The following MYO5B variants were observed in gnomAD, a reference collection of about 807,000 sequenced individuals.
MYO5B encodes myosin VB.
In MYO5B, 143 loss-of-function variants were observed where a neutral mutation model predicts 229.3. The ratio of observed to expected loss-of-function variants is 0.62; its 90% CI spans 0.54 to 0.72. The LOEUF (loss-of-function observed/expected upper bound fraction) is 0.72. Ranked by LOEUF, MYO5B falls within the 30% of genes least tolerant of loss-of-function variation. The probability of loss-of-function intolerance (pLI) is 0.00; values close to 1 mark genes in which losing one functional copy is unlikely to be tolerated. For synonymous variants in MYO5B, 918 were observed against 885.2 expected (o/e 1.04, Z -0.66); for missense variants, 2,321 against 2,331.0 (o/e 1.00, Z 0.09).
chr18:49,937,798 G>A (rs1249060824), intron 14 of MYO5B, among the ~76,000 whole-genome samples: 1 of 151,994 alleles, frequency 6.6e-6, no homozygotes, highest in African/African-American at 2.4e-5. Context: ...GTAGGTTATT[G>A]GTTGCTAGGG....
chr18:50,021,780 T>C (rs917442283), intron 4 of MYO5B, among the ~76,000 whole-genome samples: 18 of 149,194 alleles, frequency 1.2e-4, no homozygotes, highest in African/African-American at 4.2e-4. Flanking sequence ...GAAGCACCAC[T>C]CCCAGCTGAG....
At chr18:49,974,812 C>CACACACACAG (rs1568054856) in intron 9 of MYO5B, among the ~76,000 whole-genome samples, 197 bp from the exon 10 acceptor site, 1 of 150,370 alleles carries the variant, frequency 6.7e-6, no homozygotes, top group Non-Finnish European at 1.5e-5. Context: ...CACACACACA[C>CACACACACAG]ACACACACAC....
intron 10 of MYO5B, among the ~76,000 whole-genome samples, chr18:49,970,217 G>A (rs1220137905): frequency 6.6e-6 from 1 of 152,176 alleles, no homozygotes; most frequent in Admixed American, 6.5e-5. Flanking sequence ...ACCCTGCCTG[G>A]TCAAAAATAC....
chr18:50,027,125 G>C (rs4281815), intron 4 of MYO5B, among the ~76,000 whole-genome samples: 2 of 152,174 alleles, frequency 1.3e-5, no homozygotes, highest in East Asian at 1.9e-4. Context: ...ATTACTACGA[G>C]GTAAATAGCA....
Position 49,895,187 on chromosome 18 carries a change from T to A in MYO5B, c.2812-13A>T. ...TGAACTCTTTGTTCTGTGGAGAACA[T>A]CAGCAAACAAGGAGAAGGGAGAAGA... On this transcript the variant is annotated splice_polypyrimidine_tract_variant and intron_variant, in intron 21 of 39. Transcript: ENST00000285039. The A allele has an allele frequency of 1.3e-6, 2 of 1,599,850 alleles. No homozygotes were observed. The highest frequency in any genetic ancestry group is 1.7e-6 in the Non-Finnish European group (2 of 1,167,390).
chr18:50,194,120 G>A (rs544813109), intron 1 of MYO5B, among the ~76,000 whole-genome samples: 1 of 152,334 alleles, frequency 6.6e-6, no homozygotes, highest in African/African-American at 2.4e-5. Flanking sequence ...AATTCACAAT[G>A]CTCTTCCCTG....
intron 17 of MYO5B, among the ~76,000 whole-genome samples, chr18:49,915,671 T>C (rs1228626257): frequency 2.0e-5 from 3 of 152,252 alleles, no homozygotes; most frequent in African/African-American, 7.2e-5. Flanking sequence ...TTTAAGGTTA[T>C]TTGCCTAGCT....
chr18:50,141,029 A>C (rs1170400291), intron 1 of MYO5B, among the ~76,000 whole-genome samples: 2 of 152,194 alleles, frequency 1.3e-5, no homozygotes, highest in Non-Finnish European at 2.9e-5. Context: ...CTGGGGCTTC[A>C]TTATGCAGGT....
Position 49,825,175 on chromosome 18 carries a change from G to GT in MYO5B, c.*1295dup, listed in dbSNP as rs1354303883. 1 of 152,016 alleles carries GT rather than the reference G, an allele frequency of 6.6e-6. No homozygotes were observed. The highest frequency in any genetic ancestry group is 2.4e-5 in the African/African-American group (1 of 41,384). The allele number at this position is 152,016 out of a possible 1,614,324, so 9.4% of individuals were successfully genotyped here. On this transcript the variant is annotated 3_prime_UTR_variant, in exon 40 of 40. Transcript: ENST00000285039. The stretch of plus-strand genomic sequence containing the variant: ...GCTATCAAGAAATACAGAAAAGACA[G>GT]TAAAAAAAAGTGTGGAAAGAATATG...
At chr18:49,980,392 A>G in intron 9 of MYO5B, 52 bp downstream of exon 9, 2 of 1,287,454 alleles carry the variant, frequency 1.6e-6, no homozygotes, top group Non-Finnish European at 2.3e-6. Flanking sequence ...GTCATATCAA[A>G]GAACAGGGTA....
chr18:49,901,730 C>G (rs2024843833), intron 21 of MYO5B, among the ~76,000 whole-genome samples: 1 of 152,208 alleles, frequency 6.6e-6, no homozygotes, highest in African/African-American at 2.4e-5. Context: ...GATAGGCAGA[C>G]AGAGAGACAG....
chr18:49,974,684 C>T lies in MYO5B; in HGVS notation c.1057-69G>A. On this transcript the variant is annotated intron_variant, in intron 9 of 39. Transcript: ENST00000285039. The stretch of plus-strand genomic sequence containing the variant: ...CAAGCCGCCCCCCACCAATGTCTTC[C>T]ACCCTCCTGCCCAGAGGGAAAACAA... 3 of 1,558,684 alleles carry T rather than the reference C, an allele frequency of 1.9e-6. No individual in the cohort carries two copies. In the South Asian group the frequency reaches 3.5e-5, roughly 18 times the overall value.
intron 7 of MYO5B, among the ~76,000 whole-genome samples, chr18:49,987,803 TG>T (rs2025886731): frequency 1.3e-5 from 2 of 152,122 alleles, no homozygotes; most frequent in African/African-American, 4.8e-5. Flanking sequence ...CCATTACAAC[TG>T]GATGTACCAC....
chr18:49,942,008 G>A lies in MYO5B; in HGVS notation c.1753-4611C>T, dbSNP rs372743670. Among the ~76,000 whole-genome samples the A allele has an allele frequency of 3.3e-3, 215 of 64,654 alleles. 9 individuals are homozygous for A. The highest frequency in any genetic ancestry group is 0.024 in the Middle Eastern group (2 of 82). 42.4% of individuals were successfully genotyped at this position (64,654 alleles called of 152,430 possible). A position where few individuals can be genotyped will look rare whatever the true frequency, so the allele number is the denominator to read the frequency against. On this transcript the variant is annotated intron_variant, in intron 14 of 39. Transcript: ENST00000285039. ...TAGATCAATGGGATCTATGTCTGAG[G>A]ACAGAGCCCTCAGAAATAATGCTGC...
intron 1 of MYO5B, among the ~76,000 whole-genome samples, chr18:50,103,603 G>C (rs2031696403): frequency 6.6e-6 from 1 of 152,122 alleles, no homozygotes; most frequent in African/African-American, 2.4e-5. Flanking sequence ...TTAAAAATCA[G>C]CCAGACACGG....
chr18:50,087,329 TG>T (rs930922202), intron 1 of MYO5B, among the ~76,000 whole-genome samples: 1 of 152,096 alleles, frequency 6.6e-6, no homozygotes, highest in Non-Finnish European at 1.5e-5. Flanking sequence ...CCCAGCATTT[TG>T]GGAGGCCGAG....
intron 17 of MYO5B, among the ~76,000 whole-genome samples, chr18:49,925,127 A>ACC (rs2144186671): frequency 6.6e-6 from 1 of 152,308 alleles, no homozygotes; most frequent in African/African-American, 2.4e-5. Context: ...TACTAATAGA[A>ACC]CAGACTCTAT....
intron 1 of MYO5B, among the ~76,000 whole-genome samples, chr18:50,166,076 G>GA (rs1348619020): frequency 6.6e-6 from 1 of 152,144 alleles, no homozygotes; most frequent in Non-Finnish European, 1.5e-5. Flanking sequence ...TCAGCAACCA[G>GA]AAAAGTCATC....
chr18:50,107,109 C>CTTTTTTT (rs71169479), intron 1 of MYO5B, among the ~76,000 whole-genome samples: 3 of 56,584 alleles, frequency 5.3e-5, no homozygotes, highest in Non-Finnish European at 9.6e-5. Flanking sequence ...CTTAGGGTGC[C>CTTTTTTT]TTTTTTTTTT....
Sources: allele counts gnomAD v4.1 joint callset (sites outside exome capture counted in the v4.1 genomes callset), GRCh38; gene constraint gnomAD v4.1.1; transcripts MANE v1.5; gene names NCBI Gene and HGNC (gene_info 2026-07-23, HGNC 2026-07-21).